ZNF566: variants seen among roughly 807,000 people sequenced by gnomAD.
ZNF566 encodes the protein zinc finger protein 566.
In ZNF566, 27 loss-of-function variants were observed where a neutral mutation model predicts 32.8. The observed-to-expected ratio is 0.82, with a 90% CI of 0.61 to 1.14. The LOEUF (loss-of-function observed/expected upper bound fraction) is 1.14, where lower values mean the gene tolerates loss of function less well. ZNF566 is among the 50% of genes most tolerant of loss of function. The pLI is 0.00. For synonymous variants in ZNF566, 154 were observed against 159.5 expected (o/e 0.97, Z 0.26); for missense variants, 402 against 490.4 (o/e 0.82, Z 1.70).
chr19:36,455,856 C>T (rs1026108216), intron 4 of ZNF566, among the ~76,000 whole-genome samples: 13 of 151,968 alleles, frequency 8.6e-5, no homozygotes, highest in African/African-American at 1.4e-4. Context: ...CTGGCTAACA[C>T]GGTGAAACCT....
At chr19:36,457,824 G>A (rs1173934350) in intron 4 of ZNF566, among the ~76,000 whole-genome samples, 2 of 152,304 alleles carry the variant, frequency 1.3e-5, no homozygotes, top group South Asian at 2.1e-4. Flanking sequence ...CCCGGAGGCG[G>A]AGGTTGCAGT....
chr19:36,446,036 CA>C lies in ZNF566; in HGVS notation c.*2940del, dbSNP rs1163640585. 6.6e-6 allele frequency: 1 copy of C among 152,104 alleles called. No individual in the cohort carries two copies. The highest frequency in any genetic ancestry group is 2.4e-5 in the African/African-American group (1 of 41,406). The allele number at this position is 152,104 out of a possible 1,614,324, so 9.4% of individuals were successfully genotyped here. On this transcript the variant is annotated 3_prime_UTR_variant, in exon 5 of 5. Transcript: ENST00000452939. ...ACCATCAGAAAGACTGTTAGATCAT[CA>C]TCTATTGAAGGAAAATCCAAAATGT...
At chr19:36,480,186 C>T (rs557561905) in intron 1 of ZNF566, among the ~76,000 whole-genome samples, 3 of 151,790 alleles carry the variant, frequency 2.0e-5, no homozygotes, top group Non-Finnish European at 4.4e-5. Context: ...ACAGACAAAA[C>T]AATAAAACCA....
chr19:36,475,563 C>T (rs910900343), intron 2 of ZNF566, among the ~76,000 whole-genome samples: 3 of 152,154 alleles, frequency 2.0e-5, no homozygotes, highest in African/African-American at 7.2e-5. Flanking sequence ...TATTTTCATC[C>T]CATCAAATCA....
At position 36,448,937 on chromosome 19, in the gene ZNF566, A is replaced by G. The variant is rs752929296; in HGVS notation, c.*40T>C. The G allele has an allele frequency of 6.8e-7, 1 of 1,480,738 alleles. No homozygotes were observed. The highest frequency in any genetic ancestry group is 2.3e-5 in the East Asian group (1 of 43,818). The allele number at this position is 1,480,738 out of a possible 1,614,324, so 91.7% of individuals were successfully genotyped here. ...CAAGATAAATTCTGTTTTGAGCCAT[A>G]ATTAAAAGCCTCCCTACACATTTCA... On this transcript the variant is annotated 3_prime_UTR_variant, in exon 5 of 5. Coordinates refer to ENST00000452939, the MANE Select transcript of ZNF566 (RefSeq NM_001145344.1).
At chr19:36,466,127 C>A (rs1333321939) in intron 4 of ZNF566, among the ~76,000 whole-genome samples, 1 of 151,440 alleles carries the variant, frequency 6.6e-6, no homozygotes. Context: ...TAAAGGTAAC[C>A]ATATCTGAAT....
chr19:36,488,537 A>T (rs563147925), intron 1 of ZNF566, among the ~76,000 whole-genome samples: 1 of 152,362 alleles, frequency 6.6e-6, no homozygotes, highest in African/African-American at 2.4e-5. Context: ...TGGAAGATAT[A>T]TGAACCGGCA....
intron 4 of ZNF566, among the ~76,000 whole-genome samples, chr19:36,464,659 G>A (rs1346933977): frequency 6.6e-6 from 1 of 152,100 alleles, no homozygotes; most frequent in Non-Finnish European, 1.5e-5. Flanking sequence ...GCATGCGCCT[G>A]CAGTCCTGGG....
intron 4 of ZNF566, among the ~76,000 whole-genome samples, chr19:36,453,855 GCT>G (rs1033773227): frequency 2.6e-5 from 4 of 151,528 alleles, no homozygotes; most frequent in Non-Finnish European, 4.4e-5. Context: ...ACAGATTCTT[GCT>G]CTGTCTCCCA....
chr19:36,477,282 T>C (rs1423099508), intron 1 of ZNF566, among the ~76,000 whole-genome samples: 1 of 152,144 alleles, frequency 6.6e-6, no homozygotes, highest in Non-Finnish European at 1.5e-5. Context: ...TGTGCTAAGA[T>C]TACAGGTATG....
chr19:36,479,275 TAA>T (rs2145699707), intron 1 of ZNF566, among the ~76,000 whole-genome samples: 1 of 152,202 alleles, frequency 6.6e-6, no homozygotes, highest in South Asian at 2.1e-4. Context: ...ATAAAAGGTA[TAA>T]AGATTGGTAG....
chr19:36,463,732 G>GTT (rs201770124), intron 4 of ZNF566, among the ~76,000 whole-genome samples: 1 of 140,990 alleles, frequency 7.1e-6, no homozygotes. Flanking sequence ...CTTTTTTTGG[G>GTT]TTTTTTTTTT....
At chr19:36,466,883 A>G (rs1454462003) in intron 4 of ZNF566, among the ~76,000 whole-genome samples, 1 of 151,894 alleles carries the variant, frequency 6.6e-6, no homozygotes, top group African/African-American at 2.4e-5. Context: ...CCTGGCTAAC[A>G]CGGTGAAACC....
chr19:36,473,214 C>A, intron 3 of ZNF566, 118 bp downstream of exon 3: 3 of 1,318,374 alleles, frequency 2.3e-6, no homozygotes, highest in South Asian at 1.3e-5. Context: ...TCAGAACATT[C>A]CTGTGGAACA....
chr19:36,471,172 C>A (rs2033753111), intron 4 of ZNF566, among the ~76,000 whole-genome samples: 1 of 150,688 alleles, frequency 6.6e-6, no homozygotes, highest in Non-Finnish European at 1.5e-5. Context: ...CGAGATCATG[C>A]CACTGCACTC....
At chr19:36,485,271 CAAAAAAAAA>C (rs748231707) in intron 1 of ZNF566, among the ~76,000 whole-genome samples, 45 of 81,940 alleles carry the variant, frequency 5.5e-4, no homozygotes, top group African/African-American at 2.0e-3. Flanking sequence ...GCTATCTCTA[CAAAAAAAAA>C]AAAAAAAAGA....
In ZNF566 at chr19:36,476,570, T is replaced by C; in HGVS notation, c.-13A>G. On this transcript the variant is annotated 5_prime_UTR_variant, in exon 2 of 5. Transcript: ENST00000452939. ...TCACCTGAGCCATGGCTCTGATATTTGTAGAAAAGGACCTTCTCTTGGCTC... is the reference window on the plus strand; with the variant it reads ...TCACCTGAGCCATGGCTCTGATATTCGTAGAAAAGGACCTTCTCTTGGCTC... 8 of 1,613,626 alleles carry C rather than the reference T, an allele frequency of 5.0e-6. No individual in the cohort carries two copies. Among genetic ancestry groups the C allele is most frequent in the Non-Finnish European group, 6.8e-6 (8 of 1,179,780 alleles).
At chr19:36,463,242 G>A (rs111252267) in intron 4 of ZNF566, among the ~76,000 whole-genome samples, 55 of 152,178 alleles carry the variant, frequency 3.6e-4, no homozygotes, top group African/African-American at 1.3e-3. Flanking sequence ...GGTCCAGACT[G>A]CAGTGAGCTG....
chr19:36,489,179 CG>C (rs1328572325), intron 1 of ZNF566, among the ~76,000 whole-genome samples: 5 of 152,130 alleles, frequency 3.3e-5, no homozygotes, highest in African/African-American at 1.2e-4. Flanking sequence ...CACACCACTA[CG>C]GGGACAAACG....
Sources: gnomAD v4.1 joint callset for allele counts (sites outside exome capture counted in the v4.1 genomes callset) on GRCh38, gnomAD v4.1.1 for gene constraint, MANE v1.5 for transcripts, NCBI Gene and HGNC (gene_info 2026-07-23, HGNC 2026-07-21) for gene names.